Variants in LGR5 observed in about 807,000 individuals in gnomAD.
LGR5 encodes the protein leucine-rich repeat-containing G protein-coupled receptor 5.
LGR5 carries 54 observed loss-of-function variants against 76.7 expected under a neutral mutation model. The observed-to-expected ratio is 0.70, with a 90% CI of 0.57 to 0.88. LGR5 has a LOEUF of 0.88. LGR5 is among the 40% of genes least tolerant of loss of function. The probability of loss-of-function intolerance (pLI) is 0.00; values close to 1 mark genes in which losing one functional copy is unlikely to be tolerated. For missense variants in LGR5, 1,078 were observed against 1,073.3 expected (o/e 1.00, Z -0.06); for synonymous variants, 406 against 421.9 (o/e 0.96, Z 0.46).
intron 2 of LGR5, among the ~76,000 whole-genome samples, chr12:71,512,042 A>G (rs1169738108): frequency 6.6e-6 from 1 of 152,128 alleles, no homozygotes; most frequent in Admixed American, 6.5e-5. Flanking sequence ...CCCAGGCTGC[A>G]GTGCAGTGGC....
chr12:71,491,534 G>A (rs1287942337), intron 1 of LGR5, among the ~76,000 whole-genome samples: 2 of 151,800 alleles, frequency 1.3e-5, no homozygotes, highest in Non-Finnish European at 2.9e-5. Flanking sequence ...GAAAGAAGTT[G>A]AATCTATGAC....
At chr12:71,450,957 T>C (rs556817067) in intron 1 of LGR5, among the ~76,000 whole-genome samples, 1 of 152,312 alleles carries the variant, frequency 6.6e-6, no homozygotes, top group South Asian at 2.1e-4. Flanking sequence ...GCCAACTTTT[T>C]TTACCTCATC....
At chr12:71,445,087 A>C (rs922132897) in intron 1 of LGR5, among the ~76,000 whole-genome samples, 3 of 152,228 alleles carry the variant, frequency 2.0e-5, no homozygotes, top group African/African-American at 7.2e-5. Context: ...AATTTTGTGA[A>C]GTAATGTTTT....
intron 4 of LGR5, among the ~76,000 whole-genome samples, chr12:71,545,140 TAA>T (rs1555173307): frequency 6.6e-6 from 1 of 151,772 alleles, no homozygotes; most frequent in Non-Finnish European, 1.5e-5. Flanking sequence ...AAAATAAAAA[TAA>T]ATCTTTTTAT....
At position 71,584,592 on chromosome 12, in the gene LGR5, C is replaced by G. The variant is rs1263559604; in HGVS notation, c.2582C>G (p.Ser861Cys). 1 of 1,614,008 alleles carries G rather than the reference C, an allele frequency of 6.2e-7. No individual in the cohort carries two copies. Among genetic ancestry groups the G allele is most frequent in the East Asian group, 2.2e-5 (1 of 44,884 alleles). The change falls in exon 18 of 18, where the codon TCC becomes TGC. Residue 861 changes from serine to cysteine, a missense_variant. Ser to Cys is a moderately radical substitution (Grantham distance 112). Coordinates refer to ENST00000266674, the MANE Select transcript of LGR5 (RefSeq NM_003667.4). ...SINSDDVEKQ[S>C]CDSTQALVTF... ...AACTCTGATGATGTCGAAAAACAGT[C>G]CTGTGACTCAACTCAAGCCTTGGTA...
intron 4 of LGR5, among the ~76,000 whole-genome samples, chr12:71,551,272 T>A (rs1346341813): frequency 6.6e-6 from 1 of 152,232 alleles, no homozygotes; most frequent in East Asian, 1.9e-4. Flanking sequence ...AGTGGCATAG[T>A]GGCCAAAAGT....
At chr12:71,441,607 GA>G (rs1157740304) in intron 1 of LGR5, 1 of 151,940 alleles carries the variant, frequency 6.6e-6, no homozygotes, top group Non-Finnish European at 1.5e-5. Context: ...GAGTGAGGAA[GA>G]AAAAAACATC....
chr12:71,439,834 G>T lies in LGR5; in HGVS notation c.-247G>T, dbSNP rs1305903638. 2 of 488,586 alleles carry T rather than the reference G, an allele frequency of 4.1e-6. No homozygotes were observed. Among genetic ancestry groups the T allele is most frequent in the East Asian group, 3.7e-5 (1 of 27,014 alleles). 30.3% of individuals were successfully genotyped at this position (488,586 alleles called of 1,614,324 possible). ...CTCAGGCCGCGAGCAGCAGCAAGGC[G>T]CACCGCCACTGTCGCCGCTGCAGCC... On this transcript the variant is annotated 5_prime_UTR_variant, in exon 1 of 18. Transcript: ENST00000266674.
At chr12:71,502,697 T>A (rs1874663373) in intron 1 of LGR5, among the ~76,000 whole-genome samples, 1 of 152,216 alleles carries the variant, frequency 6.6e-6, no homozygotes, top group African/African-American at 2.4e-5. Flanking sequence ...CTTCTCAGGC[T>A]TGCCTGTGCT....
At chr12:71,523,602 G>A (rs1348980267) in intron 2 of LGR5, among the ~76,000 whole-genome samples, 2 of 152,134 alleles carry the variant, frequency 1.3e-5, no homozygotes, top group South Asian at 2.1e-4. Flanking sequence ...TGTTGTTTTT[G>A]CATTTTTCAT....
In LGR5 at chr12:71,566,707, A is replaced by G. The variant is rs199507313; in HGVS notation, c.998+7A>G. The G allele has an allele frequency of 3.9e-4, 624 of 1,608,792 alleles. No individual in the cohort carries two copies. The highest frequency in any genetic ancestry group is 4.9e-4 in the Non-Finnish European group (579 of 1,175,184). ...CTGCAAACCTGGAGAGTCTGTAAGT[A>G]CTGAGTAGACTCTTGACTTTGCCCA... On this transcript the variant is annotated splice_region_variant and intron_variant, in intron 10 of 17. Transcript: ENST00000266674.
In LGR5 at chr12:71,561,772, T is replaced by C; in HGVS notation, c.786-9T>C. 1 of 1,569,698 alleles carries C rather than the reference T, an allele frequency of 6.4e-7. No homozygotes were observed. ...ACAGGATTTTTTATAATTTTTTTTC[T>C]CTTTCTAGAGGATTTCATAGCAACA... On this transcript the variant is annotated splice_polypyrimidine_tract_variant and intron_variant, in intron 7 of 17. Coordinates refer to ENST00000266674, the MANE Select transcript of LGR5 (RefSeq NM_003667.4).
At chr12:71,560,646 G>T (rs1232257179) in intron 7 of LGR5, among the ~76,000 whole-genome samples, 1 of 152,154 alleles carries the variant, frequency 6.6e-6, no homozygotes, top group Non-Finnish European at 1.5e-5. Flanking sequence ...ACAAAAATTG[G>T]CTGGGCCTCG....
At chr12:71,442,334 T>C (rs1488555774) in intron 1 of LGR5, among the ~76,000 whole-genome samples, 2 of 152,166 alleles carry the variant, frequency 1.3e-5, no homozygotes, top group Admixed American at 1.3e-4. Flanking sequence ...GTTCCCTATC[T>C]ATCTATAGAT....
chr12:71,527,091 C>T (rs1876046179), intron 3 of LGR5, among the ~76,000 whole-genome samples: 2 of 151,986 alleles, frequency 1.3e-5, no homozygotes, highest in South Asian at 4.2e-4. Context: ...AAAAGATGTA[C>T]ATAAGTGAGG....
In LGR5 at chr12:71,456,508, C is replaced by T. The variant is rs79088716; in HGVS notation, c.212+16216C>T. Among the ~76,000 whole-genome samples, 786 of 152,170 alleles carry T rather than the reference C, an allele frequency of 5.2e-3. 4 individuals carry two copies. The highest frequency in any genetic ancestry group is 7.9e-3 in the Non-Finnish European group (538 of 67,986). ...TCCGCTTGGTTGGTTTGTTAAAAGTCGGCTGGGCATTGGCAGCTGCAATAA... is the reference window on the plus strand; with the variant it reads ...TCCGCTTGGTTGGTTTGTTAAAAGTTGGCTGGGCATTGGCAGCTGCAATAA... On this transcript the variant is annotated intron_variant, in intron 1 of 17. Transcript: ENST00000266674.
intron 1 of LGR5, among the ~76,000 whole-genome samples, chr12:71,496,353 G>A (rs956586564): frequency 1.5e-5 from 2 of 131,144 alleles, no homozygotes; most frequent in Non-Finnish European, 3.1e-5. Context: ...GGGCAACAGA[G>A]GAAGACTCCA....
chr12:71,515,418 T>G (rs1875386637), intron 2 of LGR5, among the ~76,000 whole-genome samples: 1 of 152,232 alleles, frequency 6.6e-6, no homozygotes, highest in African/African-American at 2.4e-5. Flanking sequence ...TTTTGATACT[T>G]TATAAAAGAA....
chr12:71,493,510 G>T (rs1175850912), intron 1 of LGR5, among the ~76,000 whole-genome samples: 1 of 151,190 alleles, frequency 6.6e-6, no homozygotes, highest in African/African-American at 2.5e-5. Context: ...TGGGTATTCT[G>T]AGGGCCTAAC....
Sources: gnomAD v4.1 joint callset for allele counts (sites outside exome capture counted in the v4.1 genomes callset) on GRCh38, gnomAD v4.1.1 for gene constraint, MANE v1.5 for transcripts, NCBI Gene and HGNC (gene_info 2026-07-23, HGNC 2026-07-21) for gene names.